CHFR: variants seen among roughly 807,000 people sequenced by gnomAD.
CHFR encodes the protein E3 ubiquitin-protein ligase CHFR.
CHFR carries 57 observed loss-of-function variants against 87.6 expected under a neutral mutation model. That is an observed-to-expected ratio of 0.65 (90% confidence interval 0.53 to 0.81). The LOEUF (loss-of-function observed/expected upper bound fraction) is 0.81, where lower values mean the gene tolerates loss of function less well. Among genes scored for constraint, CHFR ranks in the 30% least tolerant of loss-of-function variants. The pLI is 0.00. For missense variants in CHFR, 797 were observed against 865.8 expected (o/e 0.92, Z 1.00); for synonymous variants, 381 against 359.2 (o/e 1.06, Z -0.69).
At chr12:132,847,206 T>C (rs746923680) in intron 14 of CHFR, 76 bp from the exon 15 acceptor site, 47 of 1,584,746 alleles carry the variant, frequency 3.0e-5, no homozygotes, top group Non-Finnish European at 3.8e-5. Context: ...GAGAAAACAT[T>C]TCATAAAAGG....
chr12:132,886,261 G>A (rs1053073653), intron 2 of CHFR, among the ~76,000 whole-genome samples: 2 of 151,406 alleles, frequency 1.3e-5, no homozygotes, highest in Non-Finnish European at 2.9e-5. Context: ...AGTGAGCTGA[G>A]ATCACACCAC....
chr12:132,858,586 G>C (rs1377447114), intron 8 of CHFR, among the ~76,000 whole-genome samples: 1 of 150,972 alleles, frequency 6.6e-6, no homozygotes, highest in African/African-American at 2.4e-5. Flanking sequence ...AAATTAGCCG[G>C]GCATGGTGGC....
intron 2 of CHFR, among the ~76,000 whole-genome samples, chr12:132,881,379 A>T (rs1951765776): frequency 6.6e-6 from 1 of 152,252 alleles, no homozygotes; most frequent in African/African-American, 2.4e-5. Context: ...TGTATCCAGA[A>T]TGTATAGAGA....
At chr12:132,856,991 G>T (rs1951088328) in intron 9 of CHFR, among the ~76,000 whole-genome samples, 1 of 145,974 alleles carries the variant, frequency 6.9e-6, no homozygotes, top group African/African-American at 2.6e-5. Flanking sequence ...ACGTGCCCGG[G>T]TGCTGGTGTG....
In CHFR at chr12:132,887,207, C is replaced by T; in HGVS notation, c.122G>A (p.Gly41Glu). 1 of 1,498,606 alleles carries T rather than the reference C, an allele frequency of 6.7e-7. No individual in the cohort carries two copies. Among genetic ancestry groups the T allele is most frequent in the South Asian group, 1.2e-5 (1 of 80,832 alleles). The allele number at this position is 1,498,606 out of a possible 1,614,324, so 92.8% of individuals were successfully genotyped here. The change falls in exon 2 of 18, where the codon GGG becomes GAG. Residue 41 changes from glycine (G) to glutamate (E), a missense_variant. Gly to Glu is a moderately conservative substitution (Grantham distance 98, BLOSUM62 -2). This residue lies in a region of CHFR where 597 missense variants were observed against 601.2 expected (regional missense o/e 0.99). Coordinates refer to ENST00000450056, the MANE Select transcript of CHFR (RefSeq NM_001161346.2). ...VLLRKREWTI[G>E]RRRGCDLSFP... ...CCTCAGCCCCGCACCTCGTCTCCGC[C>T]CGATGGTCCACTCCCGCTTCCTCAG...
Position 132,869,613 on chromosome 12 carries a change from C to T in CHFR, c.583+6G>A. 6.4e-7 allele frequency: 1 copy of T among 1,551,342 alleles called. No homozygotes were observed. Among genetic ancestry groups the T allele is most frequent in the Non-Finnish European group, 8.7e-7 (1 of 1,146,760 alleles). On this transcript the variant is annotated splice_donor_region_variant and intron_variant, in intron 6 of 17. Transcript: ENST00000450056. ...AGCACCAAGACCTCATGAGATGTGACCTCACCACAACTGGAGGAACGCTCT... is the reference window on the plus strand; with the variant it reads ...AGCACCAAGACCTCATGAGATGTGATCTCACCACAACTGGAGGAACGCTCT...
chr12:132,848,782 A>C, intron 12 of CHFR, 58 bp from the exon 13 acceptor site: 1 of 1,270,366 alleles, frequency 7.9e-7, no homozygotes, highest in Non-Finnish European at 1.1e-6. Context: ...CTCCAACACA[A>C]TTCGTCAGCA....
chr12:132,871,079 G>T (rs1005947563), intron 4 of CHFR, among the ~76,000 whole-genome samples: 2 of 152,192 alleles, frequency 1.3e-5, no homozygotes, highest in African/African-American at 4.8e-5. Context: ...CTTCCGTGTG[G>T]CCAGGGGCTG....
rs962990830 is a variant in CHFR at position 132,887,556 on chromosome 12, G to C, written c.-22C>G. The C allele has an allele frequency of 1.2e-5, 2 of 161,800 alleles. No individual in the cohort carries two copies. The highest frequency in any genetic ancestry group is 4.8e-5 in the African/African-American group (2 of 41,538). 10.0% of individuals were successfully genotyped at this position (161,800 alleles called of 1,614,324 possible). ...CGCCAGCCGCGCTTACCCCCGCCCC[G>C]CGCCGAACCCGGAACCGGCTGCGCC... is the stretch of plus-strand genomic sequence containing the variant. On this transcript the variant is annotated 5_prime_UTR_variant, in exon 1 of 18. Transcript: ENST00000450056.
At position 132,856,525 on chromosome 12, in the gene CHFR, C is replaced by G. The variant is rs772321674; in HGVS notation, c.1172G>C (p.Gly391Ala). ...KVRRSFSDEE[G>A]SSEDLLELSD... ...CAGCTCCAGCAGGTCCTCTGAACTCCCTTCTTCATCAGAAAAAGACCGCCT... is the reference window on the plus strand; with the variant it reads ...CAGCTCCAGCAGGTCCTCTGAACTCGCTTCTTCATCAGAAAAAGACCGCCT... Residue 391 changes from glycine (G) to alanine (A), a missense_variant, in exon 10 of 18, where the codon GGG becomes GCG. Gly to Ala is a moderately conservative substitution (Grantham distance 60, BLOSUM62 0). Transcript: ENST00000450056. 1 of 1,614,120 alleles carries G rather than the reference C, an allele frequency of 6.2e-7. No homozygotes were observed. Among genetic ancestry groups the G allele is most frequent in the Non-Finnish European group, 8.5e-7 (1 of 1,180,046 alleles).
Position 132,844,445 on chromosome 12 carries a change from G to A in CHFR, c.1736-311C>T, listed in dbSNP as rs1026020115. Among the ~76,000 whole-genome samples, 24 of 139,696 alleles carry A rather than the reference G, an allele frequency of 1.7e-4. 1 individual carries two copies. Among genetic ancestry groups the A allele is most frequent in the East Asian group, 4.3e-4 (2 of 4,674 alleles). The allele number at this position is 139,696 out of a possible 152,430, so 91.6% of individuals were successfully genotyped here. A position where few individuals can be genotyped will look rare whatever the true frequency, so the allele number is the denominator to read the frequency against. ...GACTACAGGTGCCCGCCACCACACC[G>A]GGCTAATTTTTTGTATTTTTAGTAG... On this transcript the variant is annotated intron_variant, in intron 15 of 17. Coordinates refer to ENST00000450056, the MANE Select transcript of CHFR (RefSeq NM_001161346.2).
intron 2 of CHFR, among the ~76,000 whole-genome samples, chr12:132,878,251 A>C (rs1951675911): frequency 6.6e-6 from 1 of 152,154 alleles, no homozygotes; most frequent in Non-Finnish European, 1.5e-5. Context: ...TGAATGGATC[A>C]CGAGGTCAGG....
At chr12:132,877,977 T>C (rs1377195816) in intron 2 of CHFR, among the ~76,000 whole-genome samples, 1 of 152,100 alleles carries the variant, frequency 6.6e-6, no homozygotes, top group Non-Finnish European at 1.5e-5. Context: ...TAATTTTTTG[T>C]GTTTTTAGTA....
Position 132,857,460 on chromosome 12 carries a change from G to C in CHFR, c.1011C>G (p.Ile337Met), listed in dbSNP as rs1359376881. The change falls in exon 9 of 18, where the codon ATC becomes ATG. Residue 337 changes from isoleucine (I) to methionine (M), a missense_variant. Around this residue, in one of 2 missense-constraint regions of CHFR, gnomAD observed 597 missense variants for 601.2 expected, o/e 0.99. Transcript: ENST00000450056. ...CPTCRCPVER[I>M]CKNHILNNLV... The stretch of plus-strand genomic sequence containing the variant: ...GGTTGTTGAGGATGTGGTTTTTACA[G>C]ATCCGCTCCACGGGACAGCGGCAGG... 3.7e-6 allele frequency: 6 copies of C among 1,614,070 alleles called. No homozygotes were observed. The African/African-American group carries it at 6.7e-5, about 18-fold the overall frequency.
At chr12:132,862,487 C>A in intron 6 of CHFR, 1 of 429,160 alleles carries the variant, frequency 2.3e-6, no homozygotes, top group Non-Finnish European at 4.6e-6. Context: ...GCATATGGTC[C>A]CAGCTACTCA....
intron 2 of CHFR, among the ~76,000 whole-genome samples, chr12:132,885,680 C>A (rs1951874281): frequency 6.6e-6 from 1 of 152,134 alleles, no homozygotes; most frequent in Admixed American, 6.6e-5. Context: ...ATGGCTAATG[C>A]TAAGTGCTAA....
Position 132,853,462 on chromosome 12 carries a change from A to C in CHFR, c.1341T>G (p.Asp447Glu). 6.5e-7 allele frequency: 1 copy of C among 1,538,724 alleles called. No homozygotes were observed. The highest frequency in any genetic ancestry group is 8.7e-7 in the Non-Finnish European group (1 of 1,151,630). Reference sequence around the variant, plus strand: ...TCAGGCTGACGGACGTGGAGGGTGCATCCCCCAGGGCCTGTGGGGCTCCTG... The same window carrying C: ...TCAGGCTGACGGACGTGGAGGGTGCCTCCCCCAGGGCCTGTGGGGCTCCTG... ...GEPGAPQALG[D>E]APSTSVSLTT... is the part of the protein sequence containing the mutation. The change falls in exon 11 of 18, where the codon GAT (aspartate) becomes GAG (glutamate). Residue 447 changes from aspartate to glutamate, a missense_variant. Physicochemically the swap from Asp to Glu is conservative, Grantham distance 45. Coordinates refer to ENST00000450056, the MANE Select transcript of CHFR (RefSeq NM_001161346.2).
At chr12:132,848,819 G>A in intron 12 of CHFR, 95 bp from the exon 13 acceptor site, 1 of 946,426 alleles carries the variant, frequency 1.1e-6, no homozygotes, top group Non-Finnish European at 1.6e-6. Flanking sequence ...AACTCTTTCT[G>A]GAAACATTGT....
At chr12:132,843,643 T>C (rs1950747624) in intron 16 of CHFR, among the ~76,000 whole-genome samples, 1 of 152,004 alleles carries the variant, frequency 6.6e-6, no homozygotes, top group Admixed American at 6.6e-5. Context: ...CTTAGAACAT[T>C]GAGCAAAGTG....
Sources: gnomAD v4.1 joint callset for allele counts (sites outside exome capture counted in the v4.1 genomes callset) on GRCh38, gnomAD v4.1.1 for gene constraint, gnomAD v4.1.1 regional missense constraint, MANE v1.5 for transcripts, NCBI Gene and HGNC (gene_info 2026-07-23, HGNC 2026-07-21) for gene names.